The following ERC1 variants were observed in gnomAD, a reference collection of about 807,000 sequenced individuals.
ERC1 encodes ELKS/RAB6-interacting/CAST family member 1, also known as RAB6 interacting protein 2.
In ERC1, 56 loss-of-function variants were observed where a neutral mutation model predicts 132.0. The observed-to-expected ratio is 0.42, with a 90% CI of 0.34 to 0.53. The LOEUF (loss-of-function observed/expected upper bound fraction) is 0.53, where lower values mean the gene tolerates loss of function less well. Among genes scored for constraint, ERC1 ranks in the 20% least tolerant of loss-of-function variants. The probability of loss-of-function intolerance (pLI) is 0.03; values close to 1 mark genes in which losing one functional copy is unlikely to be tolerated. For synonymous variants in ERC1, 478 were observed against 476.1 expected (o/e 1.00, Z -0.05); for missense variants, 1,202 against 1,349.9 (o/e 0.89, Z 1.72).
chr12:1,185,456 A>G (rs1184900500), intron 11 of ERC1, among the ~76,000 whole-genome samples: 2 of 148,296 alleles, frequency 1.3e-5, no homozygotes, highest in African/African-American at 5.0e-5. Context: ...TTAAACCGTT[A>G]ATTTTGTTTC....
At chr12:1,291,884 G>A (rs1176562934) in intron 15 of ERC1, among the ~76,000 whole-genome samples, 5 of 152,172 alleles carry the variant, frequency 3.3e-5, no homozygotes, top group Admixed American at 2.0e-4. Flanking sequence ...GAGGAGGAAC[G>A]TTTTAATTGG....
chr12:1,452,642 T>C (rs2093449496), intron 18 of ERC1, among the ~76,000 whole-genome samples: 1 of 152,236 alleles, frequency 6.6e-6, no homozygotes, highest in African/African-American at 2.4e-5. Context: ...TATTTTCTTA[T>C]TATACTTGAA....
intron 16 of ERC1, among the ~76,000 whole-genome samples, chr12:1,388,848 C>G (rs540781391): frequency 7.2e-5 from 11 of 152,284 alleles, no homozygotes; most frequent in African/African-American, 2.4e-4. Flanking sequence ...GTATCAAACA[C>G]CACCTAATCT....
chr12:1,039,353 TAA>T (rs201168640), intron 2 of ERC1, among the ~76,000 whole-genome samples: 24 of 129,774 alleles, frequency 1.8e-4, no homozygotes, highest in African/African-American at 6.8e-4. Flanking sequence ...AAAAAAAAAA[TAA>T]AAATAAATAA....
intron 1 of ERC1, among the ~76,000 whole-genome samples, chr12:1,002,197 A>T (rs1962505957): frequency 1.5e-5 from 1 of 66,032 alleles, no homozygotes; most frequent in African/African-American, 6.3e-5. Flanking sequence ...TTTTTTTGAG[A>T]CAGTTTCACT....
chr12:1,478,858 T>G (rs1439121115), intron 18 of ERC1, among the ~76,000 whole-genome samples: 1 of 152,154 alleles, frequency 6.6e-6, no homozygotes, highest in Non-Finnish European at 1.5e-5. Context: ...TTTATCAATT[T>G]TTTCTCTTTG....
intron 18 of ERC1, among the ~76,000 whole-genome samples, chr12:1,469,905 C>T (rs888333614): frequency 8.4e-6 from 1 of 119,682 alleles, no homozygotes; most frequent in Admixed American, 1.1e-4. Context: ...TCAGACACAA[C>T]TTGCCATGTC....
At chr12:1,283,765 A>AT (rs1435851834) in intron 14 of ERC1, among the ~76,000 whole-genome samples, 1 of 152,126 alleles carries the variant, frequency 6.6e-6, no homozygotes, top group Non-Finnish European at 1.5e-5. Context: ...AAAGGTAGAG[A>AT]TTTTTAAATT....
intron 1 of ERC1, among the ~76,000 whole-genome samples, chr12:1,014,079 C>T (rs1465931560): frequency 6.6e-6 from 1 of 151,744 alleles, no homozygotes; most frequent in African/African-American, 2.4e-5. Context: ...CTGTCTATGC[C>T]TAGCCCATTA....
chr12:1,042,795 T>C (rs1592901127), intron 2 of ERC1, among the ~76,000 whole-genome samples: 4 of 152,262 alleles, frequency 2.6e-5, no homozygotes, highest in Admixed American at 2.6e-4. Context: ...CAAAAAATGT[T>C]CTTTTGATTA....
At chr12:1,032,646 T>G (rs2154153277) in intron 2 of ERC1, among the ~76,000 whole-genome samples, 1 of 152,336 alleles carries the variant, frequency 6.6e-6, no homozygotes, top group East Asian at 1.9e-4. Flanking sequence ...TCTCTTCACC[T>G]TGTGAATCAT....
intron 15 of ERC1, among the ~76,000 whole-genome samples, chr12:1,369,767 G>C (rs2087007791): frequency 6.6e-6 from 1 of 152,104 alleles, no homozygotes. Flanking sequence ...GGTATAAGTT[G>C]CCTGCCATTT....
intron 15 of ERC1, among the ~76,000 whole-genome samples, chr12:1,344,087 C>A (rs189484034): frequency 6.6e-6 from 1 of 152,184 alleles, no homozygotes; most frequent in Non-Finnish European, 1.5e-5. Flanking sequence ...GTGATCCCCC[C>A]ACTTCGGCCT....
intron 12 of ERC1, among the ~76,000 whole-genome samples, chr12:1,223,562 C>G (rs1391132042): frequency 6.6e-6 from 1 of 152,104 alleles, no homozygotes; most frequent in Admixed American, 6.5e-5. Flanking sequence ...GATGGTGGAC[C>G]ACATTTTGTA....
intron 2 of ERC1, among the ~76,000 whole-genome samples, chr12:1,061,585 A>G (rs1469418246): frequency 1.3e-5 from 2 of 152,170 alleles, no homozygotes; most frequent in Non-Finnish European, 2.9e-5. Context: ...CCGGGGTGAC[A>G]GAGCAAGACC....
chr12:1,321,170 T>G (rs981331699), intron 15 of ERC1, among the ~76,000 whole-genome samples: 2 of 152,240 alleles, frequency 1.3e-5, no homozygotes, highest in Admixed American at 1.3e-4. Flanking sequence ...ACACTGTGAC[T>G]TAGGTCACAA....
chr12:1,476,041 A>T (rs1019093748), intron 18 of ERC1, among the ~76,000 whole-genome samples: 14 of 151,712 alleles, frequency 9.2e-5, no homozygotes, highest in African/African-American at 3.4e-4. Context: ...AGGTGGGTGG[A>T]TCACACGGTC....
chr12:1,033,046 T>C (rs1022975366), intron 2 of ERC1, among the ~76,000 whole-genome samples: 1 of 150,704 alleles, frequency 6.6e-6, no homozygotes. Context: ...CTAATTTTTT[T>C]TTTTTTTGAA....
intron 18 of ERC1, among the ~76,000 whole-genome samples, chr12:1,469,432 G>A (rs1377702047): frequency 6.6e-6 from 1 of 152,232 alleles, no homozygotes; most frequent in Non-Finnish European, 1.5e-5. Flanking sequence ...CCTTCGGAGG[G>A]GTGGGCCCAC....
Sources: allele counts gnomAD v4.1 joint callset (sites outside exome capture counted in the v4.1 genomes callset), GRCh38; gene constraint gnomAD v4.1.1; transcripts MANE v1.5; gene names NCBI Gene and HGNC (gene_info 2026-07-23, HGNC 2026-07-21).